The following FBN2 variants were observed in gnomAD, a reference collection of about 807,000 sequenced individuals.
The protein encoded by FBN2 is fibrillin-2.
FBN2 carries 105 observed loss-of-function variants against 355.6 expected under a neutral mutation model. That is an observed-to-expected ratio of 0.30 (90% CI 0.25 to 0.35). The LOEUF (loss-of-function observed/expected upper bound fraction) is 0.35, where lower values mean the gene tolerates loss of function less well. Ranked by LOEUF, FBN2 falls within the 10% of genes least tolerant of loss-of-function variation. The pLI, the probability that FBN2 is intolerant of heterozygous loss-of-function variation, is 1.00. For missense variants in FBN2, 3,280 were observed against 3,758.7 expected (o/e 0.87, Z 3.33); for synonymous variants, 1,350 against 1,301.2 (o/e 1.04, Z -0.81).
At chr5:128,269,198 T>C (rs1006720316) in intron 62 of FBN2, among the ~76,000 whole-genome samples, 8 of 151,390 alleles carry the variant, frequency 5.3e-5, no homozygotes, top group Non-Finnish European at 1.0e-4. Flanking sequence ...GTGGATCACT[T>C]GAGGCCAGGA....
intron 5 of FBN2, among the ~76,000 whole-genome samples, chr5:128,473,392 T>G (rs915681434): frequency 6.6e-6 from 1 of 152,242 alleles, no homozygotes; most frequent in Non-Finnish European, 1.5e-5. Context: ...ATGTGGTACA[T>G]ATTACTTTGT....
At chr5:128,474,641 A>G (rs10070098) in intron 5 of FBN2, among the ~76,000 whole-genome samples, 106,202 of 152,044 alleles carry the variant, frequency 0.7, 39,198 homozygotes, top group African/African-American at 0.93. Flanking sequence ...TTTTCCTACT[A>G]AAATTTCTGC....
At chr5:128,415,894 T>C (rs1207782871) in intron 7 of FBN2, among the ~76,000 whole-genome samples, 1 of 152,204 alleles carries the variant, frequency 6.6e-6, no homozygotes, top group Non-Finnish European at 1.5e-5. Context: ...AATAGTGATT[T>C]TAACTGGAAT....
At chr5:128,479,102 T>G (rs1755085261) in intron 5 of FBN2, among the ~76,000 whole-genome samples, 1 of 152,236 alleles carries the variant, frequency 6.6e-6, no homozygotes, top group South Asian at 2.1e-4. Context: ...CATAAGTACC[T>G]TGGAGAACTT....
At chr5:128,517,848 T>C (rs1206403141) in intron 5 of FBN2, among the ~76,000 whole-genome samples, 1 of 152,204 alleles carries the variant, frequency 6.6e-6, no homozygotes, top group Non-Finnish European at 1.5e-5. Context: ...AGTTTCACAA[T>C]AAAGAAAGTG....
At chr5:128,529,641 G>A (rs978926595) in intron 3 of FBN2, among the ~76,000 whole-genome samples, 4 of 152,128 alleles carry the variant, frequency 2.6e-5, no homozygotes, top group African/African-American at 9.7e-5. Context: ...TGTGTTTTTT[G>A]CCAAAGGCAA....
chr5:128,477,558 G>C (rs1026088898), intron 5 of FBN2, among the ~76,000 whole-genome samples: 4 of 152,110 alleles, frequency 2.6e-5, no homozygotes, highest in African/African-American at 9.7e-5. Flanking sequence ...ACACAACCAT[G>C]AAGTTTGCGT....
intron 50 of FBN2, 45 bp downstream of exon 50, chr5:128,290,685 CAA>C: frequency 6.3e-7 from 1 of 1,599,044 alleles, no homozygotes; most frequent in Non-Finnish European, 8.6e-7. Context: ...GGCAAACATT[CAA>C]AAACTGGTAC....
intron 7 of FBN2, among the ~76,000 whole-genome samples, chr5:128,432,282 C>A (rs7720440): frequency 0.11 from 16,587 of 151,882 alleles, 1,064 homozygotes; most frequent in African/African-American, 0.17. Flanking sequence ...TAAAATAAAA[C>A]CTATTTGTCC....
chr5:128,259,347 A>C lies in FBN2; in HGVS notation c.*108T>G. ...AAAGTCTAAGACAGGGAGGAAAGAA[A>C]CAAGAGTTATTATTATTTTTCCTCT... On this transcript the variant is annotated 3_prime_UTR_variant, in exon 65 of 65. Transcript: ENST00000262464. 1 of 1,359,650 alleles carries C rather than the reference A, an allele frequency of 7.4e-7. No individual in the cohort carries two copies. The highest frequency in any genetic ancestry group is 1.7e-5 in the Admixed American group (1 of 59,648). 84.2% of individuals were successfully genotyped at this position (1,359,650 alleles called of 1,614,324 possible). A position where few individuals can be genotyped will look rare whatever the true frequency, so the allele number is the denominator to read the frequency against.
intron 7 of FBN2, among the ~76,000 whole-genome samples, chr5:128,424,589 ATTG>A (rs1256385057): frequency 1.3e-5 from 2 of 152,048 alleles, no homozygotes; most frequent in Admixed American, 1.3e-4. Context: ...CCTCTTTTCT[ATTG>A]TTATTAGTCT....
At chr5:128,350,785 AG>A in intron 21 of FBN2, 82 bp downstream of exon 21, 1 of 1,479,458 alleles carries the variant, frequency 6.8e-7, no homozygotes, top group East Asian at 2.3e-5. Context: ...TTCTTCACTA[AG>A]GAACTGCGTA....
chr5:128,313,190 GA>G (rs562265279), intron 36 of FBN2, among the ~76,000 whole-genome samples: 142 of 152,234 alleles, frequency 9.3e-4, no homozygotes, highest in African/African-American at 2.9e-3. Context: ...GCAGGTTTTG[GA>G]AAAGATAGCC....
At chr5:128,270,603 T>C (rs1370496818) in intron 62 of FBN2, among the ~76,000 whole-genome samples, 1 of 152,164 alleles carries the variant, frequency 6.6e-6, no homozygotes, top group African/African-American at 2.4e-5. Flanking sequence ...AAAGACTTCA[T>C]GACGAAAACG....
At chr5:128,536,266 C>T in intron 2 of FBN2, 136 bp downstream of exon 2, 1 of 731,604 alleles carries the variant, frequency 1.4e-6, no homozygotes, top group Non-Finnish European at 2.4e-6. Flanking sequence ...CAAATGGGGC[C>T]GCGTCCCGAT....
chr5:128,385,859 T>C (rs1752353614), intron 11 of FBN2, among the ~76,000 whole-genome samples: 1 of 152,144 alleles, frequency 6.6e-6, no homozygotes, highest in Admixed American at 6.6e-5. Context: ...TGTCTGCTCA[T>C]GTCCTTTACC....
intron 41 of FBN2, 100 bp from the exon 42 acceptor site, chr5:128,307,303 C>A (rs1240964765): frequency 3.9e-6 from 3 of 775,482 alleles, no homozygotes; most frequent in Admixed American, 1.8e-5. Flanking sequence ...TTACATTATT[C>A]ACAACCAGAC....
intron 5 of FBN2, among the ~76,000 whole-genome samples, chr5:128,500,733 C>G (rs974446249): frequency 1.3e-5 from 2 of 152,044 alleles, no homozygotes; most frequent in Admixed American, 1.3e-4. Context: ...CGTGAGCCAT[C>G]GCGCCCGGCC....
At chr5:128,266,419 C>T (rs1386965412) in intron 62 of FBN2, among the ~76,000 whole-genome samples, 1 of 152,170 alleles carries the variant, frequency 6.6e-6, no homozygotes, top group African/African-American at 2.4e-5. Flanking sequence ...AGAAGGCAAA[C>T]CGGCTTCTGG....
Sources: allele counts gnomAD v4.1 joint callset (sites outside exome capture counted in the v4.1 genomes callset), GRCh38; gene constraint gnomAD v4.1.1; transcripts MANE v1.5; gene names NCBI Gene and HGNC (gene_info 2026-07-23, HGNC 2026-07-21).